The following INPP5F variants were observed in gnomAD, a reference collection of about 807,000 sequenced individuals.
INPP5F encodes the protein inositol polyphosphate-5-phosphatase F.
Under a neutral mutation model 137.2 loss-of-function variants are expected in INPP5F, and 97 were observed. The observed-to-expected ratio is 0.71, with a 90% CI of 0.60 to 0.84. INPP5F has a LOEUF of 0.84. INPP5F is among the 40% of genes least tolerant of loss of function. The pLI is 0.00. For synonymous variants in INPP5F, 504 were observed against 476.9 expected, an observed-to-expected ratio of 1.06 and a Z score of -0.74; for missense variants, 1,271 against 1,371.9, an observed-to-expected ratio of 0.93 and a Z score of 1.16.
At chr10:119,729,400 G>GC (rs934712504) in intron 1 of INPP5F, among the ~76,000 whole-genome samples, 1 of 151,994 alleles carries the variant, frequency 6.6e-6, no homozygotes, top group Non-Finnish European at 1.5e-5. Context: ...GCCCACCTCG[G>GC]CCCCCCAAAG....
rs766806991 is a variant in INPP5F at position 119,796,876 on chromosome 10, A to G, written c.831A>G (p.Leu277=). 9 of 1,613,784 alleles carry G rather than the reference A, an allele frequency of 5.6e-6. No individual in the cohort carries two copies. Among genetic ancestry groups the G allele is most frequent in the Non-Finnish European group, 7.6e-6 (9 of 1,179,870 alleles). Residue 277 remains leucine, a synonymous_variant, in exon 7 of 20, where the codon CTA becomes CTG. Coordinates refer to ENST00000650623, the MANE Select transcript of INPP5F (RefSeq NM_014937.4). The part of the protein sequence containing the change: ...TCVDDIHPRF[L]VALISRRSRH... ...TAGATGATATTCACCCACGATTTCTAGTGGCTCTCATTTCACGCCGAAGTA... is the reference window on the plus strand; with the variant it reads ...TAGATGATATTCACCCACGATTTCTGGTGGCTCTCATTTCACGCCGAAGTA...
chr10:119,756,487 T>G (rs1401813686), intron 2 of INPP5F, among the ~76,000 whole-genome samples: 23 of 151,606 alleles, frequency 1.5e-4, no homozygotes, highest in Admixed American at 1.5e-3. Context: ...AATACAAAAA[T>G]TAGCTGGGTG....
chr10:119,734,195 G>A (rs1299336738), intron 1 of INPP5F, among the ~76,000 whole-genome samples: 2 of 151,954 alleles, frequency 1.3e-5, no homozygotes, highest in East Asian at 1.9e-4. Flanking sequence ...TTTCCAAACC[G>A]GCCCTTGTGC....
In INPP5F at chr10:119,757,445, G is replaced by A. The variant is rs145736554; in HGVS notation, c.178+6289G>A. Reference sequence around the variant, plus strand: ...ATAGGTGAAAGAAAAGTATAGATCTGTGAAAAATCAACATTAAAAAAATTC... The same window carrying A: ...ATAGGTGAAAGAAAAGTATAGATCTATGAAAAATCAACATTAAAAAAATTC... On this transcript the variant is annotated intron_variant, in intron 2 of 19. Transcript: ENST00000650623. Among the ~76,000 whole-genome samples the A allele has an allele frequency of 2.0e-5, 3 of 152,038 alleles. No homozygotes were observed. The East Asian group carries it at 5.8e-4, about 29-fold the overall frequency.
chr10:119,783,864 TAA>T (rs1248101689), intron 3 of INPP5F, among the ~76,000 whole-genome samples: 7 of 152,232 alleles, frequency 4.6e-5, no homozygotes, highest in Admixed American at 2.6e-4. Context: ...TGGTTCACGT[TAA>T]GAGTTGAGTA....
In INPP5F at chr10:119,748,233, C is replaced by T. The variant is rs567222489; in HGVS notation, c.98-2843C>T. Among the ~76,000 whole-genome samples, 1 of 152,268 alleles carries T rather than the reference C, an allele frequency of 6.6e-6. No individual in the cohort carries two copies. Among genetic ancestry groups the T allele is most frequent in the East Asian group, 1.9e-4 (1 of 5,178 alleles). On this transcript the variant is annotated intron_variant, in intron 1 of 19. Transcript: ENST00000650623. This position sits in a 1 kb window ranked among gnomAD's most constrained non-coding sequence, Gnocchi z 4.7. Reference sequence around the variant, plus strand: ...GGCTTTGTGCAAGGCTGTGGCTGGACCAGGTGTACCACAAGCAGTTTCTGC... The same window carrying T: ...GGCTTTGTGCAAGGCTGTGGCTGGATCAGGTGTACCACAAGCAGTTTCTGC...
At chr10:119,810,648 G>A (rs910346534) in intron 14 of INPP5F, among the ~76,000 whole-genome samples, 3 of 152,126 alleles carry the variant, frequency 2.0e-5, no homozygotes, top group Non-Finnish European at 4.4e-5. Context: ...TTTTCCATAA[G>A]CATGGTTTAT....
At chr10:119,782,988 A>C (rs898563923) in intron 3 of INPP5F, among the ~76,000 whole-genome samples, 1 of 152,250 alleles carries the variant, frequency 6.6e-6, no homozygotes, top group African/African-American at 2.4e-5. Flanking sequence ...TTGAATTTTA[A>C]GAAACAAAAT....
intron 1 of INPP5F, among the ~76,000 whole-genome samples, chr10:119,734,240 G>A (rs196223): frequency 0.37 from 56,817 of 151,986 alleles, 10,735 homozygotes; most frequent in South Asian, 0.46. Flanking sequence ...TAGTCCTTGT[G>A]ATGTATGGTG....
intron 2 of INPP5F, among the ~76,000 whole-genome samples, chr10:119,762,992 TATG>T (rs1849051297): frequency 1.3e-5 from 2 of 152,198 alleles, no homozygotes; most frequent in African/African-American, 4.8e-5. Context: ...AGACTCAAGA[TATG>T]ATTCATCCTG....
At chr10:119,785,575 AGAGACT>A (rs993572733) in intron 3 of INPP5F, among the ~76,000 whole-genome samples, 11 of 150,564 alleles carry the variant, frequency 7.3e-5, no homozygotes, top group African/African-American at 2.7e-4. Context: ...AGAGAGAGAG[AGAGACT>A]GAGACTGACT....
rs1851533139 is a variant in INPP5F, at chr10:119,820,857, C to T, written c.1898C>T (p.Ala633Val). Residue 633 changes from alanine to valine, a missense_variant, in exon 16 of 20, where the codon GCT becomes GTT. Around this residue, in one of 6 missense-constraint regions of INPP5F, gnomAD observed 593 missense variants for 712.4 expected, o/e 0.83. Transcript: ENST00000650623. ...TCATATTTGTTTAGCCTCATTGATG[C>T]TACTCACAGAGACGTGGATGTGCTG... is the stretch of plus-strand genomic sequence containing the variant. ...LIDCDPSLID[A>V]THRDVDVLLL... 1.9e-6 allele frequency: 3 copies of T among 1,608,716 alleles called. No homozygotes were observed. The highest frequency in any genetic ancestry group is 1.7e-6 in the Non-Finnish European group (2 of 1,175,248).
chr10:119,827,848 T>A lies in INPP5F; in HGVS notation c.*68T>A. On this transcript the variant is annotated 3_prime_UTR_variant, in exon 20 of 20. Transcript: ENST00000650623. ...ATGAAATTTTCACCTCTTGGGGTATTTTAATTGTACTGTCTGAACCCAGGG... is the reference window on the plus strand; with the variant it reads ...ATGAAATTTTCACCTCTTGGGGTATATTAATTGTACTGTCTGAACCCAGGG... 1.7e-6 allele frequency: 2 copies of A among 1,157,474 alleles called. No individual in the cohort carries two copies. Among genetic ancestry groups the A allele is most frequent in the Non-Finnish European group, 2.5e-6 (2 of 814,792 alleles). 71.7% of individuals were successfully genotyped at this position (1,157,474 alleles called of 1,614,324 possible).
intron 1 of INPP5F, among the ~76,000 whole-genome samples, chr10:119,741,688 G>C (rs1174680057): frequency 6.6e-6 from 1 of 151,430 alleles, no homozygotes; most frequent in Non-Finnish European, 1.5e-5. Flanking sequence ...GTGCTCATCA[G>C]CATGCCTGGC....
At chr10:119,755,581 C>T (rs931045991) in intron 2 of INPP5F, among the ~76,000 whole-genome samples, 6 of 152,252 alleles carry the variant, frequency 3.9e-5, no homozygotes, top group South Asian at 2.1e-4. Context: ...TAATGTCCAC[C>T]AAAATGCTTC....
chr10:119,794,826 G>A lies in INPP5F; in HGVS notation c.670-1889G>A, dbSNP rs1335855148. 5.1e-4 allele frequency among the ~76,000 whole-genome samples: 60 copies of A among 116,544 alleles called. 3 individuals are homozygous for A. Among genetic ancestry groups the A allele is most frequent in the Non-Finnish European group, 1.0e-3 (50 of 50,022 alleles). 76.5% of individuals were successfully genotyped at this position (116,544 alleles called of 152,430 possible). On this transcript the variant is annotated intron_variant, in intron 6 of 19. Transcript: ENST00000650623. ...CCCCCACCTCCCTCCCTCCCAGAAG[G>A]GGCGGCTGGCCGGGCGGGGGTCTGA...
chr10:119,765,880 TAGAG>T (rs3065469), intron 2 of INPP5F, among the ~76,000 whole-genome samples: 82,182 of 144,110 alleles, frequency 0.57, 23,866 homozygotes, highest in Middle Eastern at 0.65. Context: ...TATATATATA[TAGAG>T]AGAGAGAGAG....
intron 6 of INPP5F, among the ~76,000 whole-genome samples, chr10:119,793,375 A>T (rs1291694436): frequency 6.6e-6 from 1 of 151,776 alleles, no homozygotes; most frequent in East Asian, 1.9e-4. Context: ...CCTTCCTAAG[A>T]TCCTATCTGC....
At chr10:119,734,482 A>G (rs1410125019) in intron 1 of INPP5F, among the ~76,000 whole-genome samples, 2 of 152,080 alleles carry the variant, frequency 1.3e-5, no homozygotes, top group Non-Finnish European at 2.9e-5. Context: ...TTCCTTTTTC[A>G]TTCCCAAACC....
Sources: gnomAD v4.1 joint callset for allele counts (sites outside exome capture counted in the v4.1 genomes callset) on GRCh38, gnomAD v4.1.1 for gene constraint, gnomAD v4.1.1 regional missense constraint, Gnocchi (gnomAD v3.1) non-coding constraint, MANE v1.5 for transcripts, NCBI Gene and HGNC (gene_info 2026-07-23, HGNC 2026-07-21) for gene names.